RORB: variants seen among roughly 807,000 people sequenced by gnomAD.
RORB encodes nuclear receptor ROR-beta.
In RORB, 6 loss-of-function variants were observed where a neutral mutation model predicts 59.1. The ratio of observed to expected loss-of-function variants is 0.10; its 90% CI spans 0.06 to 0.20. RORB has a LOEUF of 0.20. Ranked by LOEUF, RORB falls within the 10% of genes least tolerant of loss-of-function variation. RORB has a pLI of 1.00. For synonymous variants in RORB, 215 were observed against 204.5 expected (o/e 1.05, Z -0.44); for missense variants, 320 against 560.5 (o/e 0.57, Z 4.33).
At position 74,681,539 on chromosome 9, in the gene RORB, A is replaced by G. The variant is rs369201967; in HGVS notation, c.1225-3924A>G. On this transcript the variant is annotated intron_variant, in intron 9 of 9. Transcript: ENST00000376896. ...TCTGAGTGCTCTTTAACAGAAAGCA[A>G]TTCTCACCATCCAGCCCATTCTATA... 1.5e-4 allele frequency among the ~76,000 whole-genome samples: 23 copies of G among 152,320 alleles called. No individual in the cohort carries two copies. The East Asian group carries it at 1.9e-3, about 13-fold the overall frequency.
intron 1 of RORB, among the ~76,000 whole-genome samples, chr9:74,537,642 AT>A (rs1450867860): frequency 6.6e-6 from 1 of 152,064 alleles, no homozygotes; most frequent in Admixed American, 6.6e-5. Context: ...GTTGCATGCC[AT>A]TTGAAGTTTT....
intron 1 of RORB, among the ~76,000 whole-genome samples, chr9:74,610,213 A>T (rs1823213960): frequency 6.6e-6 from 1 of 152,252 alleles, no homozygotes; most frequent in African/African-American, 2.4e-5. Context: ...CTGTAAAATA[A>T]AAATGCCTGG....
intron 1 of RORB, among the ~76,000 whole-genome samples, chr9:74,600,209 G>A (rs974574674): frequency 5.3e-5 from 8 of 152,176 alleles, no homozygotes; most frequent in African/African-American, 1.9e-4. Flanking sequence ...TCACATTCAA[G>A]ATTGCAGTAT....
intron 1 of RORB, among the ~76,000 whole-genome samples, chr9:74,593,429 G>A (rs377464041): frequency 6.9e-6 from 1 of 144,982 alleles, no homozygotes; most frequent in South Asian, 2.2e-4. Context: ...TCACACCGTT[G>A]CACTCCAGCC....
chr9:74,615,409 C>A (rs1224135036), intron 1 of RORB, among the ~76,000 whole-genome samples: 2 of 152,212 alleles, frequency 1.3e-5, no homozygotes, highest in Admixed American at 1.3e-4. Context: ...CTCCCACCTT[C>A]TGCGCCTGAG....
rs112165732 is a variant in RORB at position 74,500,057 on chromosome 9, G to A, written c.7+2074G>A. On this transcript the variant is annotated intron_variant, in intron 1 of 9. Coordinates refer to ENST00000376896, the MANE Select transcript of RORB (RefSeq NM_006914.4). Reference sequence around the variant, plus strand: ...ACTCCAGAAGCTGGAAGGATTGAAAGCCAGGCGCTGGTCCTCATGCTCACC... The same window carrying A: ...ACTCCAGAAGCTGGAAGGATTGAAAACCAGGCGCTGGTCCTCATGCTCACC... 9.7e-4 allele frequency among the ~76,000 whole-genome samples: 147 copies of A among 152,270 alleles called. 2 individuals are homozygous for A. The highest frequency in any genetic ancestry group is 3.3e-3 in the African/African-American group (136 of 41,556).
At chr9:74,552,799 G>T (rs1468637699) in intron 1 of RORB, among the ~76,000 whole-genome samples, 2 of 151,942 alleles carry the variant, frequency 1.3e-5, no homozygotes, top group Non-Finnish European at 2.9e-5. Context: ...AGGCAATAAA[G>T]ATATAAAGAC....
At chr9:74,581,673 G>A (rs759923389) in intron 1 of RORB, among the ~76,000 whole-genome samples, 5 of 152,082 alleles carry the variant, frequency 3.3e-5, no homozygotes, top group Admixed American at 1.3e-4. Flanking sequence ...TACAAAAGTC[G>A]GGAGATCTGC....
intron 1 of RORB, among the ~76,000 whole-genome samples, chr9:74,610,596 A>G (rs572370559): frequency 7.9e-5 from 12 of 152,358 alleles, no homozygotes; most frequent in Admixed American, 2.6e-4. Flanking sequence ...GAATTTGAAC[A>G]TATTAATTTG....
intron 1 of RORB, among the ~76,000 whole-genome samples, chr9:74,544,625 G>A (rs573161168): frequency 1.3e-5 from 2 of 152,264 alleles, no homozygotes; most frequent in South Asian, 2.1e-4. Context: ...ATGCAATGCC[G>A]TAGCTCATGG....
intron 1 of RORB, among the ~76,000 whole-genome samples, chr9:74,568,418 G>A (rs986085508): frequency 6.6e-6 from 1 of 151,694 alleles, no homozygotes; most frequent in Non-Finnish European, 1.5e-5. Flanking sequence ...AAATTAAACC[G>A]GAGCCGGGCA....
intron 1 of RORB, among the ~76,000 whole-genome samples, chr9:74,556,465 C>A (rs1345493816): frequency 6.6e-6 from 1 of 152,062 alleles, no homozygotes; most frequent in Non-Finnish European, 1.5e-5. Flanking sequence ...AGTTATGCAG[C>A]CAAAGAAAAG....
rs1282771950 is a variant in RORB, at chr9:74,498,485, C to T, written c.7+502C>T. On this transcript the variant is annotated intron_variant, in intron 1 of 9. Transcript: ENST00000376896. Reference sequence around the variant, plus strand: ...TAAGCGTCCTGGCCAGCAGGCATGTCCCTTCGCTGGAGTAGCAAGCAGAAG... The same window carrying T: ...TAAGCGTCCTGGCCAGCAGGCATGTTCCTTCGCTGGAGTAGCAAGCAGAAG... 3 of 154,410 alleles carry T rather than the reference C, an allele frequency of 1.9e-5. No homozygotes were observed. The East Asian group carries it at 5.8e-4, about 30-fold the overall frequency. 9.6% of individuals were successfully genotyped at this position (154,410 alleles called of 1,614,324 possible).
chr9:74,639,794 G>A (rs188723258), intron 3 of RORB, among the ~76,000 whole-genome samples: 1 of 152,296 alleles, frequency 6.6e-6, no homozygotes, highest in East Asian at 1.9e-4. Flanking sequence ...TGGGGGAGAA[G>A]GGGAAGTTCT....
chr9:74,581,594 C>T (rs1457608333), intron 1 of RORB, among the ~76,000 whole-genome samples: 1 of 152,166 alleles, frequency 6.6e-6, no homozygotes, highest in Non-Finnish European at 1.5e-5. Context: ...AACCAAAATA[C>T]AAAGGAGCAA....
Position 74,691,204 on chromosome 9 carries a change from G to T in RORB, c.*5586G>T, listed in dbSNP as rs1330064840. ...GGCCTCCAGTGGATCAGAGAAAGCA[G>T]CTCAGTGATTGTTCTCATGGCCAAA... On this transcript the variant is annotated 3_prime_UTR_variant, in exon 10 of 10. Coordinates refer to ENST00000376896, the MANE Select transcript of RORB (RefSeq NM_006914.4). The T allele has an allele frequency of 6.6e-6, 1 of 152,204 alleles. No homozygotes were observed. The allele number at this position is 152,204 out of a possible 1,614,324, so 9.4% of individuals were successfully genotyped here.
At chr9:74,502,058 A>G (rs532074973) in intron 1 of RORB, among the ~76,000 whole-genome samples, 1 of 152,300 alleles carries the variant, frequency 6.6e-6, no homozygotes, top group South Asian at 2.1e-4. Flanking sequence ...AAATAAAAAC[A>G]TTATTTTATA....
intron 1 of RORB, among the ~76,000 whole-genome samples, chr9:74,530,133 G>C (rs1302381429): frequency 6.6e-6 from 1 of 151,986 alleles, no homozygotes; most frequent in Non-Finnish European, 1.5e-5. Flanking sequence ...TCCACTCCAA[G>C]TGGGATGAAA....
chr9:74,522,438 T>G (rs1035996604), intron 1 of RORB, among the ~76,000 whole-genome samples: 4 of 151,780 alleles, frequency 2.6e-5, no homozygotes, highest in African/African-American at 9.7e-5. Context: ...AAAATTATTC[T>G]ATACAGTGAT....
Sources: gnomAD v4.1 joint callset for allele counts (sites outside exome capture counted in the v4.1 genomes callset) on GRCh38, gnomAD v4.1.1 for gene constraint, MANE v1.5 for transcripts, NCBI Gene and HGNC (gene_info 2026-07-23, HGNC 2026-07-21) for gene names.